The following PDE10A variants were observed in gnomAD, a reference collection of about 807,000 sequenced individuals.
PDE10A encodes phosphodiesterase 10A, also known as cAMP and cAMP-inhibited cGMP 3',5'-cyclic phosphodiesterase 10A.
In PDE10A, 39 loss-of-function variants were observed where a neutral mutation model predicts 97.7. The ratio of observed to expected loss-of-function variants is 0.40; its 90% CI spans 0.31 to 0.52. The LOEUF (loss-of-function observed/expected upper bound fraction) is 0.52. Ranked by LOEUF, PDE10A falls within the 20% of genes least tolerant of loss-of-function variation. The pLI is 0.56. For missense variants in PDE10A, 731 were observed against 1,047.8 expected, an observed-to-expected ratio of 0.70 and a Z score of 4.17; for synonymous variants, 371 against 376.8, an observed-to-expected ratio of 0.98 and a Z score of 0.18.
At chr6:165,390,509 G>T (rs148506924) in intron 16 of PDE10A, among the ~76,000 whole-genome samples, 1 of 152,134 alleles carries the variant, frequency 6.6e-6, no homozygotes, top group Non-Finnish European at 1.5e-5. Context: ...AACTGCATGC[G>T]TACATGCAGA....
intron 3 of PDE10A, among the ~76,000 whole-genome samples, chr6:165,464,195 TACACACACAA>T (rs1170385649): frequency 3.3e-4 from 50 of 152,012 alleles, no homozygotes; most frequent in African/African-American, 1.1e-3. Flanking sequence ...TACACACACA[TACACACACAA>T]ACACACACAT....
At chr6:165,954,369 T>C (rs1784064865) in intron 1 of PDE10A, among the ~76,000 whole-genome samples, 1 of 152,190 alleles carries the variant, frequency 6.6e-6, no homozygotes, top group Admixed American at 6.5e-5. Context: ...GGTGGCTGCA[T>C]AATAACTGCT....
intron 1 of PDE10A, among the ~76,000 whole-genome samples, chr6:165,739,113 T>C (rs1056802013): frequency 3.9e-5 from 6 of 152,176 alleles, no homozygotes; most frequent in African/African-American, 1.4e-4. Context: ...TCCAATGGCA[T>C]TTTCCACAGA....
chr6:165,917,095 T>G (rs1379700650), intron 1 of PDE10A, among the ~76,000 whole-genome samples: 1 of 152,260 alleles, frequency 6.6e-6, no homozygotes, highest in East Asian at 1.9e-4. Context: ...TGAAATTCCT[T>G]TGGATTTCCT....
intron 3 of PDE10A, among the ~76,000 whole-genome samples, chr6:165,468,024 T>G (rs556690423): frequency 6.6e-6 from 1 of 152,308 alleles, no homozygotes; most frequent in Admixed American, 6.5e-5. Context: ...GATTACAACT[T>G]GCCGACAGCT....
intron 1 of PDE10A, among the ~76,000 whole-genome samples, chr6:165,704,762 C>CA (rs1349537099): frequency 6.6e-6 from 1 of 152,178 alleles, no homozygotes; most frequent in African/African-American, 2.4e-5. Context: ...AAAAGAGATG[C>CA]AAAAACAAAC....
At chr6:165,610,530 C>CAAAAAA (rs201763144) in intron 1 of PDE10A, among the ~76,000 whole-genome samples, 1 of 55,106 alleles carries the variant, frequency 1.8e-5, no homozygotes. Flanking sequence ...GACTCCGTCT[C>CAAAAAA]AAAAAAAAAA....
chr6:165,862,818 A>G (rs1780943976), intron 1 of PDE10A, among the ~76,000 whole-genome samples: 1 of 151,988 alleles, frequency 6.6e-6, no homozygotes, highest in Non-Finnish European at 1.5e-5. Flanking sequence ...AGCTGGGACT[A>G]CAGGCATGCA....
At chr6:165,818,821 G>C (rs995722225) in intron 1 of PDE10A, among the ~76,000 whole-genome samples, 1 of 152,190 alleles carries the variant, frequency 6.6e-6, no homozygotes. Context: ...CAAAGTGGTA[G>C]ATAGAAGAGT....
chr6:165,639,477 C>T (rs1420745586), intron 1 of PDE10A, among the ~76,000 whole-genome samples: 1 of 152,080 alleles, frequency 6.6e-6, no homozygotes, highest in Non-Finnish European at 1.5e-5. Context: ...GTGGCTCACA[C>T]CTGTAATCCC....
At chr6:165,829,092 G>T (rs1779837169) in intron 1 of PDE10A, among the ~76,000 whole-genome samples, 1 of 152,212 alleles carries the variant, frequency 6.6e-6, no homozygotes, top group Admixed American at 6.5e-5. Flanking sequence ...ATGAGAAGAT[G>T]GAGGGTAAGA....
intron 1 of PDE10A, among the ~76,000 whole-genome samples, chr6:165,685,953 A>T (rs1275064892): frequency 6.6e-6 from 1 of 152,206 alleles, no homozygotes; most frequent in African/African-American, 2.4e-5. Context: ...GCCATTAAGA[A>T]AAAAATTAAT....
intron 2 of PDE10A, among the ~76,000 whole-genome samples, chr6:165,523,965 C>T (rs1047537194): frequency 1.3e-5 from 2 of 152,062 alleles, no homozygotes; most frequent in Non-Finnish European, 2.9e-5. Flanking sequence ...AGGTGGGCAC[C>T]ATCTAATCAG....
At chr6:165,811,260 C>A (rs1779276618) in intron 1 of PDE10A, among the ~76,000 whole-genome samples, 1 of 152,070 alleles carries the variant, frequency 6.6e-6, no homozygotes, top group Non-Finnish European at 1.5e-5. Flanking sequence ...ACAAAAAAAG[C>A]ACTTCCTAGA....
chr6:165,859,893 C>T (rs1258385436), intron 1 of PDE10A, among the ~76,000 whole-genome samples: 1 of 152,068 alleles, frequency 6.6e-6, no homozygotes, highest in Non-Finnish European at 1.5e-5. Context: ...TTCTCAGCAA[C>T]CTGGGTGGGA....
chr6:165,703,827 G>A (rs1392992742), intron 1 of PDE10A, among the ~76,000 whole-genome samples: 6 of 152,154 alleles, frequency 3.9e-5, no homozygotes, highest in African/African-American at 7.2e-5. Context: ...AGCCAGGGCC[G>A]ACAGCCGCCT....
At chr6:165,944,840 G>A (rs188502) in intron 1 of PDE10A, among the ~76,000 whole-genome samples, 80,158 of 151,986 alleles carry the variant, frequency 0.53, 22,543 homozygotes, top group African/African-American at 0.73. Context: ...TGAAAAAAAA[G>A]TATCTTCTAT....
intron 2 of PDE10A, among the ~76,000 whole-genome samples, chr6:165,496,663 C>T (rs557726399): frequency 2.0e-5 from 3 of 152,278 alleles, no homozygotes; most frequent in East Asian, 1.9e-4. Flanking sequence ...TAAGAGACCA[C>T]GTCTAGTATT....
chr6:165,337,479 T>C (rs1299268083), intron 20 of PDE10A, among the ~76,000 whole-genome samples: 1 of 152,232 alleles, frequency 6.6e-6, no homozygotes, highest in African/African-American at 2.4e-5. Context: ...GCCTGTGTTA[T>C]TTCCATTTTT....
Sources: allele counts gnomAD v4.1 joint callset (sites outside exome capture counted in the v4.1 genomes callset), GRCh38; gene constraint gnomAD v4.1.1; transcripts MANE v1.5; gene names NCBI Gene and HGNC (gene_info 2026-07-23, HGNC 2026-07-21).